CENPW: variants seen among roughly 807,000 people sequenced by gnomAD.
CENPW encodes centromere protein W.
Under a neutral mutation model 11.1 loss-of-function variants are expected in CENPW, and 3 were observed. That is an observed-to-expected ratio of 0.27 (90% CI 0.12 to 0.70). CENPW has a LOEUF of 0.70. Ranked by LOEUF, CENPW falls within the 30% of genes least tolerant of loss-of-function variation. The pLI is 0.77. For missense variants in CENPW, 100 were observed against 105.6 expected, an observed-to-expected ratio of 0.95 and a Z score of 0.23; for synonymous variants, 38 against 42.0, an observed-to-expected ratio of 0.91 and a Z score of 0.37.
At chr6:126,446,657 A>AC in the CENPW span, among the ~76,000 whole-genome samples, 1 of 151,152 alleles carries the variant, frequency 6.6e-6, no homozygotes, top group African/African-American at 2.4e-5. Flanking sequence ...AAATAAGTAA[A>AC]TGAAGTTACT....
At chr6:126,376,874 C>G in the CENPW span, among the ~76,000 whole-genome samples, 18 of 152,144 alleles carry the variant, frequency 1.2e-4, no homozygotes, top group East Asian at 7.7e-4. Context: ...CCCTGGTGTT[C>G]CGGCATGTCA....
the CENPW span, among the ~76,000 whole-genome samples, chr6:126,402,676 G>A: frequency 6.6e-6 from 1 of 151,834 alleles, no homozygotes; most frequent in Non-Finnish European, 1.5e-5. Context: ...CATAATGTAG[G>A]ATATATCAAC....
the CENPW span, among the ~76,000 whole-genome samples, chr6:126,371,374 A>T: frequency 1.3e-5 from 2 of 152,008 alleles, no homozygotes; most frequent in Non-Finnish European, 2.9e-5. Flanking sequence ...AATTCTGTTT[A>T]TGTGTTGCAT....
chr6:126,356,409 G>C, the CENPW span, among the ~76,000 whole-genome samples: 1 of 152,138 alleles, frequency 6.6e-6, no homozygotes, highest in African/African-American at 2.4e-5. Context: ...AGGAGATACG[G>C]GACAGCGGGA....
At chr6:126,452,617 A>C in the CENPW span, among the ~76,000 whole-genome samples, 1 of 151,042 alleles carries the variant, frequency 6.6e-6, no homozygotes, top group Non-Finnish European at 1.5e-5. Flanking sequence ...TTTAAAAACT[A>C]AGAGCAGCCC....
At chr6:126,465,252 T>C in the CENPW span, among the ~76,000 whole-genome samples, 9 of 152,034 alleles carry the variant, frequency 5.9e-5, no homozygotes, top group African/African-American at 2.2e-4. Flanking sequence ...CAGTTAAAGA[T>C]TAAAATTAAA....
the CENPW span, among the ~76,000 whole-genome samples, chr6:126,445,366 T>G: frequency 6.6e-6 from 1 of 151,210 alleles, no homozygotes; most frequent in African/African-American, 2.4e-5. Flanking sequence ...TTTGTTTTAT[T>G]GAAGGTTTGG....
the CENPW span, among the ~76,000 whole-genome samples, chr6:126,383,048 A>G: frequency 6.6e-6 from 1 of 152,194 alleles, no homozygotes; most frequent in Non-Finnish European, 1.5e-5. Context: ...CTACAAAGGG[A>G]AGTCAGTCAA....
chr6:126,369,813 A>AT, the CENPW span, among the ~76,000 whole-genome samples: 1 of 152,052 alleles, frequency 6.6e-6, no homozygotes, highest in Non-Finnish European at 1.5e-5. Flanking sequence ...TTGCATTTGC[A>AT]TTTGCTTTTG....
the CENPW span, among the ~76,000 whole-genome samples, chr6:126,358,767 AGTT>A: frequency 3.3e-5 from 5 of 152,052 alleles, no homozygotes; most frequent in African/African-American, 9.7e-5. Context: ...TTTTTGGAGT[AGTT>A]TCAGTAAAAT....
chr6:126,370,313 G>A, the CENPW span, among the ~76,000 whole-genome samples: 1 of 151,964 alleles, frequency 6.6e-6, no homozygotes, highest in Admixed American at 6.6e-5. Flanking sequence ...AAGAATGATG[G>A]TGCTATTTTG....
chr6:126,382,107 C>T, the CENPW span, among the ~76,000 whole-genome samples: 129 of 152,056 alleles, frequency 8.5e-4, no homozygotes, highest in Non-Finnish European at 1.4e-3. Flanking sequence ...AACAAAAAAC[C>T]CAGGTGTGGT....
chr6:126,413,156 A>G, the CENPW span, among the ~76,000 whole-genome samples: 1 of 152,178 alleles, frequency 6.6e-6, no homozygotes, highest in African/African-American at 2.4e-5. Context: ...AGATAACAAA[A>G]TCTATATTGT....
At chr6:126,395,257 T>C in the CENPW span, among the ~76,000 whole-genome samples, 1 of 152,182 alleles carries the variant, frequency 6.6e-6, no homozygotes, top group Non-Finnish European at 1.5e-5. Context: ...CGTGTATTTT[T>C]GAATAACCTG....
At chr6:126,467,665 G>A in the CENPW span, among the ~76,000 whole-genome samples, 1 of 152,116 alleles carries the variant, frequency 6.6e-6, no homozygotes, top group Non-Finnish European at 1.5e-5. Flanking sequence ...TGTGGGAGAT[G>A]AGACAAATCT....
At chr6:126,472,776 ACAGTTC>A in the CENPW span, among the ~76,000 whole-genome samples, 2 of 152,212 alleles carry the variant, frequency 1.3e-5, no homozygotes, top group Admixed American at 1.3e-4. Context: ...TATGAGAGTT[ACAGTTC>A]CTCCACATCC....
chr6:126,446,488 A>T, the CENPW span, among the ~76,000 whole-genome samples: 3 of 151,214 alleles, frequency 2.0e-5, no homozygotes, highest in Non-Finnish European at 4.5e-5. Flanking sequence ...ATCACTTTCA[A>T]GTTGAAACAA....
At chr6:126,416,607 G>T in the CENPW span, among the ~76,000 whole-genome samples, 1 of 152,114 alleles carries the variant, frequency 6.6e-6, no homozygotes, top group South Asian at 2.1e-4. Flanking sequence ...CTAGGGACTT[G>T]GTGCCCTGTG....
At chr6:126,360,773 C>G in the CENPW span, among the ~76,000 whole-genome samples, 1 of 151,822 alleles carries the variant, frequency 6.6e-6, no homozygotes, top group Non-Finnish European at 1.5e-5. Flanking sequence ...TCCAGAAGGT[C>G]AGTTTGTTTC....
Sources: gnomAD v4.1 joint callset for allele counts (sites outside exome capture counted in the v4.1 genomes callset) on GRCh38, gnomAD v4.1.1 for gene constraint, MANE v1.5 for transcripts, NCBI Gene and HGNC (gene_info 2026-07-23, HGNC 2026-07-21) for gene names.